BICC1: variants seen among roughly 807,000 people sequenced by gnomAD.
BICC1 encodes BicC family RNA binding protein 1, also known as protein bicaudal C homolog 1.
BICC1 carries 43 observed loss-of-function variants against 111.0 expected under a neutral mutation model. That is an observed-to-expected ratio of 0.39 (90% CI 0.30 to 0.50). The LOEUF (loss-of-function observed/expected upper bound fraction) is 0.50, where lower values mean the gene tolerates loss of function less well. BICC1 is among the 20% of genes least tolerant of loss of function. The pLI is 0.88. For synonymous variants in BICC1, 467 were observed against 434.4 expected (o/e 1.07, Z -0.93); for missense variants, 1,091 against 1,203.2 (o/e 0.91, Z 1.38).
chr10:58,571,394 A>T (rs1589108528), intron 1 of BICC1, among the ~76,000 whole-genome samples: 2 of 151,868 alleles, frequency 1.3e-5, no homozygotes, highest in Non-Finnish European at 2.9e-5. Flanking sequence ...TACATAGGTA[A>T]ACATGTGCCA....
intron 2 of BICC1, among the ~76,000 whole-genome samples, chr10:58,631,084 T>C (rs1837779704): frequency 6.6e-6 from 1 of 152,244 alleles, no homozygotes; most frequent in South Asian, 2.1e-4. Context: ...TGTCCTTTTA[T>C]GTTACTGAGC....
chr10:58,623,133 GT>G (rs1251002308), intron 2 of BICC1, among the ~76,000 whole-genome samples: 1 of 151,928 alleles, frequency 6.6e-6, no homozygotes, highest in African/African-American at 2.4e-5. Context: ...GTAACTTTAT[GT>G]TTTTTTGTAC....
chr10:58,687,728 A>G (rs551907825), intron 2 of BICC1, among the ~76,000 whole-genome samples: 2 of 152,118 alleles, frequency 1.3e-5, no homozygotes, highest in Non-Finnish European at 2.9e-5. Flanking sequence ...AAAGCGCAGT[A>G]TTAGGGTGGG....
chr10:58,576,746 G>GT (rs749582531), intron 1 of BICC1, among the ~76,000 whole-genome samples: 5 of 152,124 alleles, frequency 3.3e-5, no homozygotes, highest in African/African-American at 4.8e-5. Flanking sequence ...GCACTCAAAT[G>GT]TAAGTTCAGA....
chr10:58,752,530 C>A (rs1842018178), intron 3 of BICC1, among the ~76,000 whole-genome samples: 1 of 152,098 alleles, frequency 6.6e-6, no homozygotes, highest in African/African-American at 2.4e-5. Context: ...GAACAATTTT[C>A]TTTTAGCATC....
At chr10:58,650,246 A>G (rs1406363110) in intron 2 of BICC1, 1 of 152,108 alleles carries the variant, frequency 6.6e-6, no homozygotes, top group African/African-American at 2.4e-5. Flanking sequence ...CTCCCTTGCA[A>G]ACCTGAGTTT....
At chr10:58,522,390 G>A (rs1023287712) in intron 1 of BICC1, among the ~76,000 whole-genome samples, 1 of 152,042 alleles carries the variant, frequency 6.6e-6, no homozygotes, top group Non-Finnish European at 1.5e-5. Flanking sequence ...TAGAACTCAG[G>A]ATTAAGAAAC....
chr10:58,816,447 G>T (rs1046050689), intron 18 of BICC1, among the ~76,000 whole-genome samples: 6 of 152,134 alleles, frequency 3.9e-5, no homozygotes, highest in African/African-American at 1.4e-4. Context: ...TTCAGGAAAT[G>T]CCTTCTGTTT....
At chr10:58,699,530 C>T (rs927858171) in intron 2 of BICC1, among the ~76,000 whole-genome samples, 2 of 152,168 alleles carry the variant, frequency 1.3e-5, no homozygotes, top group African/African-American at 4.8e-5. Context: ...ACACATATGT[C>T]AAAAGGCAAA....
At position 58,806,448 on chromosome 10, in the gene BICC1, C is replaced by G. The variant is rs1227113807; in HGVS notation, c.2182-136C>G. 64 of 716,098 alleles carry G rather than the reference C, an allele frequency of 8.9e-5. No homozygotes were observed. In the East Asian group the frequency reaches 1.7e-3, roughly 19 times the overall value. The allele number at this position is 716,098 out of a possible 1,614,324, so 44.4% of individuals were successfully genotyped here. ...ACAGACATACCTTGGATTTCTGTGG[C>G]ATTATTGTGCAAAGCTTGGTGTATG... On this transcript the variant is annotated intron_variant, in intron 15 of 20. Transcript: ENST00000373886.
intron 3 of BICC1, among the ~76,000 whole-genome samples, chr10:58,756,593 C>T (rs55756148): frequency 7.1e-6 from 1 of 140,098 alleles, no homozygotes; most frequent in Non-Finnish European, 1.5e-5. Flanking sequence ...TCAAGGAGTT[C>T]TTGGGATCCA....
At chr10:58,563,072 T>A (rs1400678988) in intron 1 of BICC1, among the ~76,000 whole-genome samples, 3 of 152,152 alleles carry the variant, frequency 2.0e-5, no homozygotes, top group Non-Finnish European at 4.4e-5. Flanking sequence ...CTTGCATGCC[T>A]GAGTCATTGC....
chr10:58,784,927 T>C, intron 3 of BICC1, 74 bp from the exon 4 acceptor site: 1 of 759,462 alleles, frequency 1.3e-6, no homozygotes, highest in South Asian at 1.9e-5. Flanking sequence ...GAGTCAATTT[T>C]AAAACAGAGT....
chr10:58,532,651 T>C (rs1482703716), intron 1 of BICC1, among the ~76,000 whole-genome samples: 1 of 151,778 alleles, frequency 6.6e-6, no homozygotes, highest in African/African-American at 2.4e-5. Context: ...CATGCCTAAC[T>C]GAAGAGGGCC....
chr10:58,708,916 G>A (rs1194766273), intron 3 of BICC1, among the ~76,000 whole-genome samples: 1 of 152,070 alleles, frequency 6.6e-6, no homozygotes, highest in African/African-American at 2.4e-5. Context: ...ATGATTTGGG[G>A]GCTACTTTTC....
intron 2 of BICC1, among the ~76,000 whole-genome samples, chr10:58,696,956 G>A (rs551252055): frequency 2.0e-4 from 31 of 152,242 alleles, no homozygotes; most frequent in Middle Eastern, 6.8e-3. Flanking sequence ...CATTTTCTTC[G>A]TGGAGATTTT....
chr10:58,663,327 A>G (rs1040118569), intron 2 of BICC1, among the ~76,000 whole-genome samples: 8 of 152,190 alleles, frequency 5.3e-5, no homozygotes, highest in Admixed American at 2.6e-4. Flanking sequence ...TCGGCCTCCC[A>G]AAGTGCTGGG....
chr10:58,537,342 T>C (rs1582827), intron 1 of BICC1, among the ~76,000 whole-genome samples: 69,187 of 149,158 alleles, frequency 0.46, 16,867 homozygotes, highest in Admixed American at 0.63. Context: ...TGGAATGAAC[T>C]AGAACAAAAA....
chr10:58,581,883 A>G lies in BICC1; in HGVS notation c.191-38972A>G, dbSNP rs1371709948. Among the ~76,000 whole-genome samples, 5 of 152,072 alleles carry G rather than the reference A, an allele frequency of 3.3e-5. No homozygotes were observed. The East Asian group carries it at 5.8e-4, about 18-fold the overall frequency. On this transcript the variant is annotated intron_variant, in intron 1 of 20. Transcript: ENST00000373886. ...TTAGTATTTTTTTCTCCATTCCTTT[A>G]ATCATCAAATTCCTCTCTATCTCTC...
Sources: allele counts gnomAD v4.1 joint callset (sites outside exome capture counted in the v4.1 genomes callset), GRCh38; gene constraint gnomAD v4.1.1; transcripts MANE v1.5; gene names NCBI Gene and HGNC (gene_info 2026-07-23, HGNC 2026-07-21).